PTPRG: variants seen among roughly 807,000 people sequenced by gnomAD.
PTPRG encodes receptor-type tyrosine-protein phosphatase gamma.
Under a neutral mutation model 165.3 loss-of-function variants are expected in PTPRG, and 102 were observed. The observed-to-expected ratio is 0.62, with a 90% CI of 0.53 to 0.73. PTPRG has a LOEUF of 0.73. Among genes scored for constraint, PTPRG ranks in the 30% least tolerant of loss-of-function variants. The pLI is 0.00. For missense variants in PTPRG, 1,866 were observed against 1,861.4 expected, an observed-to-expected ratio of 1.00 and a Z score of -0.05; for synonymous variants, 675 against 669.5, an observed-to-expected ratio of 1.01 and a Z score of -0.13.
At chr3:61,708,765 A>G in intron 1 of PTPRG, among the ~76,000 whole-genome samples, 1 of 152,106 alleles carries the variant, frequency 6.6e-6, no homozygotes. Flanking sequence ...CTTTCTGCAA[A>G]TCTTAAATTG....
chr3:61,934,507 G>A (rs1219912814), intron 2 of PTPRG, among the ~76,000 whole-genome samples: 3 of 151,894 alleles, frequency 2.0e-5, no homozygotes, highest in Non-Finnish European at 4.4e-5. Context: ...GCAATTTAGG[G>A]CTGATCTGGT....
At chr3:61,963,824 A>T (rs1160403629) in intron 2 of PTPRG, among the ~76,000 whole-genome samples, 1 of 152,122 alleles carries the variant, frequency 6.6e-6, no homozygotes, top group Non-Finnish European at 1.5e-5. Flanking sequence ...TAACCTAAAC[A>T]ATGGAAATAC....
rs1158625458 is a variant in PTPRG at position 61,827,087 on chromosome 3, A to G, written c.190+78105A>G. Among the ~76,000 whole-genome samples, 10 of 152,324 alleles carry G rather than the reference A, an allele frequency of 6.6e-5. No homozygotes were observed. The East Asian group carries it at 1.9e-3, about 29-fold the overall frequency. On this transcript the variant is annotated intron_variant, in intron 2 of 29. Transcript: ENST00000474889. The stretch of plus-strand genomic sequence containing the variant: ...GCCTTTAGTTGGAATCTTTCAGAGT[A>G]AGGGCATGCTTTGCTGTGTTCTTCT...
chr3:61,972,425 A>G (rs1352426848), intron 2 of PTPRG, among the ~76,000 whole-genome samples: 3 of 151,492 alleles, frequency 2.0e-5, no homozygotes, highest in South Asian at 2.1e-4. Context: ...CAGGTGAGTG[A>G]CATGATCTGA....
intron 2 of PTPRG, among the ~76,000 whole-genome samples, chr3:61,891,268 C>G (rs1316979278): frequency 6.6e-6 from 1 of 152,048 alleles, no homozygotes; most frequent in Non-Finnish European, 1.5e-5. Flanking sequence ...GCACTCCAGC[C>G]TGGGTGACAG....
chr3:61,899,063 C>T (rs1237551988), intron 2 of PTPRG, among the ~76,000 whole-genome samples: 1 of 152,180 alleles, frequency 6.6e-6, no homozygotes, highest in Non-Finnish European at 1.5e-5. Flanking sequence ...CACATTCCAC[C>T]ATGCCTGGCT....
At chr3:62,202,382 C>A (rs1191509448) in intron 11 of PTPRG, among the ~76,000 whole-genome samples, 1 of 152,188 alleles carries the variant, frequency 6.6e-6, no homozygotes, top group African/African-American at 2.4e-5. Flanking sequence ...AGTTTCCTCA[C>A]CTGCAAAATG....
At chr3:61,953,417 T>C (rs1407456493) in intron 2 of PTPRG, among the ~76,000 whole-genome samples, 1 of 152,208 alleles carries the variant, frequency 6.6e-6, no homozygotes, top group Non-Finnish European at 1.5e-5. Context: ...CTTTGTCCCT[T>C]GGTATTTAAA....
At chr3:62,198,388 G>C (rs1700019986) in intron 10 of PTPRG, among the ~76,000 whole-genome samples, 1 of 152,088 alleles carries the variant, frequency 6.6e-6, no homozygotes, top group Non-Finnish European at 1.5e-5. Flanking sequence ...ACACAGCAAT[G>C]GCCCACCCCA....
intron 1 of PTPRG, among the ~76,000 whole-genome samples, chr3:61,598,559 T>TA (rs1700762025): frequency 6.6e-6 from 1 of 152,196 alleles, no homozygotes; most frequent in Non-Finnish European, 1.5e-5. Context: ...TGACTCCGCT[T>TA]AGAGTCGGGG....
intron 1 of PTPRG, among the ~76,000 whole-genome samples, chr3:61,620,242 C>T (rs868086666): frequency 6.6e-6 from 1 of 152,040 alleles, no homozygotes. Context: ...GCTTGTGTGT[C>T]CCCCCTACTT....
At chr3:61,905,038 C>T (rs1026675594) in intron 2 of PTPRG, among the ~76,000 whole-genome samples, 10 of 151,978 alleles carry the variant, frequency 6.6e-5, no homozygotes, top group Non-Finnish European at 1.0e-4. Context: ...CCTAGAAGAC[C>T]TCAAAGGAGC....
chr3:61,681,200 TA>T (rs1173745661), intron 1 of PTPRG, among the ~76,000 whole-genome samples: 1 of 152,182 alleles, frequency 6.6e-6, no homozygotes, highest in Admixed American at 6.5e-5. Context: ...TTCTTGCTTT[TA>T]AAACCTTCAC....
At position 62,203,935 on chromosome 3, in the gene PTPRG, A is replaced by G; in HGVS notation, c.2140A>G (p.Ile714Val). The G allele has an allele frequency of 6.3e-7, 1 of 1,582,112 alleles. No individual in the cohort carries two copies. Among genetic ancestry groups the G allele is most frequent in the Non-Finnish European group, 8.6e-7 (1 of 1,161,678 alleles). Residue 714 changes from isoleucine (I) to valine (V), a missense_variant, in exon 12 of 30, where the codon ATC becomes GTC. Physicochemically the swap from Ile to Val is conservative, Grantham distance 29. This residue lies in a region of PTPRG where 1,452 missense variants were observed against 1,463.0 expected (regional missense o/e 0.99). Transcript: ENST00000474889. This position sits in a 1 kb window ranked among gnomAD's most constrained non-coding sequence, Gnocchi z 6.4. ...GDRFSEDSRF[I>V]TVNPAEKNTS... ...CCGATTTTCTGAAGACAGCAGATTT[A>G]TCACTGTTAATCCAGGTAAGTGGTG...
chr3:61,906,088 C>A (rs1559680931), intron 2 of PTPRG, among the ~76,000 whole-genome samples: 1 of 151,764 alleles, frequency 6.6e-6, no homozygotes, highest in Non-Finnish European at 1.5e-5. Context: ...AGTTGGAATG[C>A]TTCCTTTTTT....
intron 2 of PTPRG, among the ~76,000 whole-genome samples, chr3:61,752,031 G>A (rs533545984): frequency 1.4e-4 from 22 of 151,956 alleles, no homozygotes; most frequent in East Asian, 7.7e-4. Flanking sequence ...AGTCTCTGGC[G>A]TAAAGTAAGT....
At chr3:61,904,497 T>C (rs1461517529) in intron 2 of PTPRG, among the ~76,000 whole-genome samples, 1 of 152,154 alleles carries the variant, frequency 6.6e-6, no homozygotes, top group Non-Finnish European at 1.5e-5. Flanking sequence ...GTGACGGTGG[T>C]ACAGTATTTC....
rs1553657854 is a variant in PTPRG, at chr3:61,738,324, A to ATGTG, written c.86-10553_86-10552insGTGT. Among the ~76,000 whole-genome samples the ATGTG allele has an allele frequency of 5.8e-4, 54 of 93,646 alleles. 4 individuals carry two copies. The highest frequency in any genetic ancestry group is 5.7e-3 in the East Asian group (21 of 3,704). The allele number at this position is 93,646 out of a possible 152,430, so 61.4% of individuals were successfully genotyped here. A position where few individuals can be genotyped will look rare whatever the true frequency, so the allele number is the denominator to read the frequency against. ...TATATATATATATACATATATATAT[A>ATGTG]TATATATATATATGTATATATATAT... On this transcript the variant is annotated intron_variant, in intron 1 of 29. Coordinates refer to ENST00000474889, the MANE Select transcript of PTPRG (RefSeq NM_002841.4).
intron 4 of PTPRG, among the ~76,000 whole-genome samples, chr3:62,036,488 G>T (rs550416876): frequency 5.1e-4 from 77 of 152,286 alleles, no homozygotes; most frequent in African/African-American, 1.8e-3. Context: ...ATGAGAGAGT[G>T]CAGAATGTGA....
Sources: gnomAD v4.1 joint callset for allele counts (sites outside exome capture counted in the v4.1 genomes callset) on GRCh38, gnomAD v4.1.1 for gene constraint, gnomAD v4.1.1 regional missense constraint, Gnocchi (gnomAD v3.1) non-coding constraint, MANE v1.5 for transcripts, NCBI Gene and HGNC (gene_info 2026-07-23, HGNC 2026-07-21) for gene names.